FANCC: variants seen among roughly 807,000 people sequenced by gnomAD.
The protein encoded by FANCC is Fanconi anemia group C protein.
A neutral mutation model predicts 71.3 loss-of-function variants in FANCC; 55 were observed. The observed-to-expected ratio is 0.77, with a 90% CI of 0.62 to 0.97. The LOEUF is 0.97. Ranked by LOEUF, FANCC falls within the 50% of genes least tolerant of loss-of-function variation. FANCC has a pLI of 0.00. For missense variants in FANCC, 678 were observed against 670.9 expected (o/e 1.01, Z -0.12); for synonymous variants, 275 against 244.9 (o/e 1.12, Z -1.15).
chr9:95,238,848 G>A (rs557441676), intron 4 of FANCC, among the ~76,000 whole-genome samples: 12 of 152,204 alleles, frequency 7.9e-5, no homozygotes, highest in South Asian at 4.2e-4. Flanking sequence ...ATGAGCCACC[G>A]CGCCCAGGCA....
At chr9:95,231,487 G>C (rs555036891) in intron 4 of FANCC, among the ~76,000 whole-genome samples, 1 of 152,118 alleles carries the variant, frequency 6.6e-6, no homozygotes, top group Non-Finnish European at 1.5e-5. Context: ...AATGGCAGGC[G>C]GGAAGCACTC....
chr9:95,247,269 A>G (rs1230732687), intron 3 of FANCC, among the ~76,000 whole-genome samples, 163 bp downstream of exon 3: 2 of 152,022 alleles, frequency 1.3e-5, no homozygotes, highest in Non-Finnish European at 2.9e-5. Flanking sequence ...ACATACATGG[A>G]CAACAGTATA....
At chr9:95,287,372 T>A (rs938168386) in intron 1 of FANCC, among the ~76,000 whole-genome samples, 1 of 152,252 alleles carries the variant, frequency 6.6e-6, no homozygotes, top group Non-Finnish European at 1.5e-5. Context: ...TTTCTAAGCA[T>A]GTGCATTCCT....
At chr9:95,263,486 G>GTA (rs945646679) in intron 1 of FANCC, among the ~76,000 whole-genome samples, 2 of 149,332 alleles carry the variant, frequency 1.3e-5, no homozygotes, top group African/African-American at 4.9e-5. Context: ...ATATGTGTGT[G>GTA]TGTGTGTATG....
chr9:95,242,210 A>G (rs1180945978), intron 3 of FANCC, among the ~76,000 whole-genome samples: 1 of 152,168 alleles, frequency 6.6e-6, no homozygotes, highest in African/African-American at 2.4e-5. Context: ...ATAAAGCATT[A>G]TAAAGCACTG....
At chr9:95,117,506 G>C (rs1282792762) in intron 10 of FANCC, 116 bp from the exon 11 acceptor site, 13 of 756,412 alleles carry the variant, frequency 1.7e-5, no homozygotes, top group East Asian at 1.1e-4. Context: ...AACATGGTCA[G>C]AACACTTTCT....
intron 1 of FANCC, among the ~76,000 whole-genome samples, chr9:95,271,949 T>G (rs1194410305): frequency 7.9e-6 from 1 of 126,350 alleles, no homozygotes; most frequent in African/African-American, 3.1e-5. Flanking sequence ...TTTTTTTTTT[T>G]TTTTTGAGAT....
chr9:95,139,893 CAAT>C (rs1203901860), intron 7 of FANCC, among the ~76,000 whole-genome samples: 1 of 145,482 alleles, frequency 6.9e-6, no homozygotes, highest in Non-Finnish European at 1.5e-5. Flanking sequence ...TTTAAAGGGA[CAAT>C]AAAGTAAAAA....
chr9:95,251,624 A>C (rs1304286122), intron 1 of FANCC, among the ~76,000 whole-genome samples: 1 of 152,120 alleles, frequency 6.6e-6, no homozygotes, highest in Non-Finnish European at 1.5e-5. Flanking sequence ...CCAGTAATTT[A>C]ATTTTTAAAA....
intron 8 of FANCC, among the ~76,000 whole-genome samples, chr9:95,130,286 G>GTC (rs1826691932): frequency 6.8e-6 from 1 of 146,798 alleles, no homozygotes; most frequent in Non-Finnish European, 1.5e-5. Context: ...CTGATTCTGT[G>GTC]TGTGTGTGTG....
At chr9:95,254,535 G>GTGCATTCCAGCACAGACACTACGCTTTT (rs1831541946) in intron 1 of FANCC, among the ~76,000 whole-genome samples, 1 of 152,216 alleles carries the variant, frequency 6.6e-6, no homozygotes, top group Non-Finnish European at 1.5e-5. Flanking sequence ...GTGAGGAATG[G>GTGCATTCCAGCACAGACACTACGCTTTT]TGCATTCCAG....
At chr9:95,152,148 T>C (rs913553401) in intron 6 of FANCC, among the ~76,000 whole-genome samples, 1 of 152,216 alleles carries the variant, frequency 6.6e-6, no homozygotes, top group African/African-American at 2.4e-5. Context: ...CTTCAGAGAA[T>C]TTGTTTATAT....
At chr9:95,134,125 A>C (rs1225657990) in intron 8 of FANCC, among the ~76,000 whole-genome samples, 1 of 152,194 alleles carries the variant, frequency 6.6e-6, no homozygotes, top group Non-Finnish European at 1.5e-5. Context: ...GGCTGTCAGC[A>C]CCTGCAACCC....
At chr9:95,101,902 T>C in intron 14 of FANCC, 52 bp from the exon 15 acceptor site, 1 of 1,609,288 alleles carries the variant, frequency 6.2e-7, no homozygotes, top group Non-Finnish European at 8.5e-7. Flanking sequence ...CAGACAGATT[T>C]GTCCTTTGTC....
intron 1 of FANCC, among the ~76,000 whole-genome samples, chr9:95,250,244 C>G (rs1214915620): frequency 6.6e-6 from 1 of 152,138 alleles, no homozygotes; most frequent in East Asian, 1.9e-4. Flanking sequence ...CAGGTGCAGG[C>G]CTTCACAGGC....
intron 4 of FANCC, among the ~76,000 whole-genome samples, chr9:95,237,669 CG>C (rs1293962309): frequency 6.6e-6 from 1 of 152,138 alleles, no homozygotes; most frequent in Non-Finnish European, 1.5e-5. Context: ...TAAAATTCCT[CG>C]GAACAACTTG....
chr9:95,124,167 C>T (rs1825590088), intron 10 of FANCC, among the ~76,000 whole-genome samples: 2 of 145,258 alleles, frequency 1.4e-5, no homozygotes, highest in Admixed American at 1.4e-4. Context: ...ATCTATTTGA[C>T]GTTGGCGGGG....
rs570590511 is a variant in FANCC, at chr9:95,284,167, G to A, written c.-79+33359C>T. Among the ~76,000 whole-genome samples, 11 of 152,170 alleles carry A rather than the reference G, an allele frequency of 7.2e-5. No individual in the cohort carries two copies. In the South Asian group the frequency reaches 1.7e-3, roughly 23 times the overall value. On this transcript the variant is annotated intron_variant, in intron 1 of 14. Transcript: ENST00000289081. Reference sequence around the variant, plus strand: ...CTCTTGGCAAGCCTAAACACCTGTCGGCAAAACTGTTCACAAAAGCAATGG... The same window carrying A: ...CTCTTGGCAAGCCTAAACACCTGTCAGCAAAACTGTTCACAAAAGCAATGG...
intron 6 of FANCC, among the ~76,000 whole-genome samples, chr9:95,158,568 CA>C (rs1360206375): frequency 5.9e-5 from 9 of 152,062 alleles, no homozygotes; most frequent in Admixed American, 5.2e-4. Flanking sequence ...AAGAATACAG[CA>C]AAAATATTAA....
Sources: allele counts gnomAD v4.1 joint callset (sites outside exome capture counted in the v4.1 genomes callset), GRCh38; gene constraint gnomAD v4.1.1; transcripts MANE v1.5; gene names NCBI Gene and HGNC (gene_info 2026-07-23, HGNC 2026-07-21).